The following OXR1 variants were observed in gnomAD, a reference collection of about 807,000 sequenced individuals.
OXR1 encodes the protein oxidation resistance protein 1.
Under a neutral mutation model 104.6 loss-of-function variants are expected in OXR1, and 41 were observed. The observed-to-expected ratio is 0.39, with a 90% confidence interval of 0.31 to 0.51. The LOEUF is 0.51. Among genes scored for constraint, OXR1 ranks in the 20% least tolerant of loss-of-function variants. The pLI is 0.77. For missense variants in OXR1, 955 were observed against 1,031.9 expected (o/e 0.93, Z 1.02); for synonymous variants, 348 against 348.4 (o/e 1.00, Z 0.01).
At chr8:106,588,360 A>G (rs1159788866) in intron 3 of OXR1, among the ~76,000 whole-genome samples, 1 of 152,102 alleles carries the variant, frequency 6.6e-6, no homozygotes, top group Non-Finnish European at 1.5e-5. Flanking sequence ...TATCTTTGAT[A>G]GGACTGCCAG....
rs375373020 is a variant in OXR1, at chr8:106,373,764, A to G, written c.23+14128A>G. On this transcript the variant is annotated intron_variant, in intron 2 of 16. Coordinates refer to ENST00000517566, the MANE Select transcript of OXR1 (RefSeq NM_001198533.2). ...GCCATCACACCTGGCTAGTTTCTGT[A>G]TTTTTAGTAGAGACAGGGTTTCACC... Among the ~76,000 whole-genome samples the G allele has an allele frequency of 3.2e-3, 490 of 152,102 alleles. 1 individual carries two copies. The highest frequency in any genetic ancestry group is 0.011 in the African/African-American group (471 of 41,504).
chr8:106,465,380 C>T (rs1429250259), intron 2 of OXR1, among the ~76,000 whole-genome samples: 1 of 151,978 alleles, frequency 6.6e-6, no homozygotes, highest in African/African-American at 2.4e-5. Flanking sequence ...AAACCATGTA[C>T]AGCCTTGTAG....
chr8:106,587,582 A>T (rs1281901394), intron 3 of OXR1, among the ~76,000 whole-genome samples: 1 of 152,192 alleles, frequency 6.6e-6, no homozygotes, highest in African/African-American at 2.4e-5. Context: ...TTCTCAAATG[A>T]TGGGCTGCAG....
intron 3 of OXR1, among the ~76,000 whole-genome samples, chr8:106,526,533 A>C (rs1431415391): frequency 6.6e-6 from 1 of 152,150 alleles, no homozygotes; most frequent in East Asian, 1.9e-4. Flanking sequence ...TAGTATATAC[A>C]GGGAAGTTGG....
chr8:106,582,502 TTGG>T (rs1818325334), intron 3 of OXR1, among the ~76,000 whole-genome samples: 1 of 152,092 alleles, frequency 6.6e-6, no homozygotes, highest in Non-Finnish European at 1.5e-5. Flanking sequence ...TTATTTCTTC[TTGG>T]TGGTAGTATT....
rs199744436 is a variant in OXR1, at chr8:106,582,772, AACTT to A, written c.220+63637_220+63640del. 9.5e-3 allele frequency among the ~76,000 whole-genome samples: 1,453 copies of A among 152,306 alleles called. 9 individuals are homozygous for A. The highest frequency in any genetic ancestry group is 0.015 in the Non-Finnish European group (1,021 of 68,014). ...TGACAAGCAGGCTTATTTTACAAAG[AACTT>A]ACTAATTTATAAAATAATAAGACTT... On this transcript the variant is annotated intron_variant, in intron 3 of 16. Transcript: ENST00000517566.
At chr8:106,401,017 A>G (rs1185247683) in intron 2 of OXR1, among the ~76,000 whole-genome samples, 2 of 152,224 alleles carry the variant, frequency 1.3e-5, no homozygotes, top group African/African-American at 2.4e-5. Context: ...AAACATTTCC[A>G]AAGAGAGTTT....
chr8:106,436,577 A>G (rs1303763552), intron 2 of OXR1, among the ~76,000 whole-genome samples: 1 of 152,076 alleles, frequency 6.6e-6, no homozygotes, highest in Non-Finnish European at 1.5e-5. Flanking sequence ...ATTTCAAGTG[A>G]CAGAAAACCT....
At chr8:106,562,796 A>C (rs966612490) in intron 3 of OXR1, among the ~76,000 whole-genome samples, 1 of 152,198 alleles carries the variant, frequency 6.6e-6, no homozygotes, top group Non-Finnish European at 1.5e-5. Flanking sequence ...ACAAACCAGA[A>C]GAGAGTGGGG....
At chr8:106,638,934 C>A (rs187369259) in intron 3 of OXR1, among the ~76,000 whole-genome samples, 48 of 136,424 alleles carry the variant, frequency 3.5e-4, no homozygotes, top group African/African-American at 1.1e-3. Context: ...CAACAAAAAT[C>A]AAAAAAAAAT....
chr8:106,400,245 C>T (rs1343158496), intron 2 of OXR1, among the ~76,000 whole-genome samples: 1 of 152,074 alleles, frequency 6.6e-6, no homozygotes, highest in African/African-American at 2.4e-5. Flanking sequence ...AGTGTTCATG[C>T]TCCATATTTC....
At chr8:106,642,462 G>A (rs1823731141) in intron 3 of OXR1, among the ~76,000 whole-genome samples, 1 of 152,152 alleles carries the variant, frequency 6.6e-6, no homozygotes, top group Admixed American at 6.5e-5. Context: ...TCAAGGCTCT[G>A]TCATATTTAA....
intron 6 of OXR1, among the ~76,000 whole-genome samples, chr8:106,689,364 A>G (rs576859777): frequency 6.6e-6 from 1 of 152,086 alleles, no homozygotes; most frequent in South Asian, 2.1e-4. Flanking sequence ...AGTCAGATTA[A>G]GGGCCCACCC....
intron 2 of OXR1, among the ~76,000 whole-genome samples, chr8:106,409,827 T>C (rs1818390750): frequency 6.6e-6 from 1 of 152,228 alleles, no homozygotes; most frequent in African/African-American, 2.4e-5. Flanking sequence ...TTTTGTGAAT[T>C]AAATGATTTA....
chr8:106,640,460 CATT>C (rs1416529773), intron 3 of OXR1, among the ~76,000 whole-genome samples: 1 of 151,656 alleles, frequency 6.6e-6, no homozygotes, highest in Non-Finnish European at 1.5e-5. Context: ...AGATAATCAT[CATT>C]GAGACCTTAA....
rs1290576767 is a variant in OXR1 at position 106,751,623 on chromosome 8, C to A, written c.*682C>A. ...GCATATGCTTTCATCATTAAATTAT[C>A]TGATAAAGTTACAAGTCACAAAGGA... On this transcript the variant is annotated 3_prime_UTR_variant, in exon 17 of 17. Coordinates refer to ENST00000517566, the MANE Select transcript of OXR1 (RefSeq NM_001198533.2). 6.6e-6 allele frequency: 1 copy of A among 152,458 alleles called. No individual in the cohort carries two copies. The highest frequency in any genetic ancestry group is 1.9e-4 in the East Asian group (1 of 5,194). The allele number at this position is 152,458 out of a possible 1,614,324, so 9.4% of individuals were successfully genotyped here.
chr8:106,691,641 T>TATATATATAC (rs56831509), intron 6 of OXR1, among the ~76,000 whole-genome samples: 1 of 115,006 alleles, frequency 8.7e-6, no homozygotes, highest in East Asian at 2.5e-4. Context: ...TATATATATA[T>TATATATATAC]ACACACACAT....
At chr8:106,359,047 T>TTTTCTTTCTTTCTTTC (rs76498142) in intron 1 of OXR1, among the ~76,000 whole-genome samples, 2,345 of 141,194 alleles carry the variant, frequency 0.017, 78 homozygotes, top group African/African-American at 0.051. Context: ...CATGGAATTC[T>TTTTCTTTCTTTCTTTC]TTTCTTTCTT....
intron 2 of OXR1, among the ~76,000 whole-genome samples, chr8:106,381,455 A>G (rs779301290): frequency 1.2e-4 from 18 of 152,108 alleles, no homozygotes; most frequent in Admixed American, 2.0e-4. Flanking sequence ...GGGACCAATC[A>G]ATTGAACATA....
Sources: gnomAD v4.1 joint callset for allele counts (sites outside exome capture counted in the v4.1 genomes callset) on GRCh38, gnomAD v4.1.1 for gene constraint, MANE v1.5 for transcripts, NCBI Gene and HGNC (gene_info 2026-07-23, HGNC 2026-07-21) for gene names.